P2RY11: variants seen among roughly 807,000 people sequenced by gnomAD.
P2RY11 encodes the protein P2Y purinoceptor 11.
In P2RY11, 3 loss-of-function variants were observed where a neutral mutation model predicts 2.4. The ratio of observed to expected loss-of-function variants is 1.22; its 90% CI spans 0.56 to 3.17. The LOEUF is 3.17. P2RY11 is among the 30% of genes most tolerant of loss of function. The pLI is 0.03. For missense variants in P2RY11, 670 were observed against 528.2 expected, an observed-to-expected ratio of 1.27 and a Z score of -2.63; for synonymous variants, 307 against 237.3, an observed-to-expected ratio of 1.29 and a Z score of -2.70.
Position 10,115,331 on chromosome 19 carries a change from G to A in P2RY11, c.*593G>A, listed in dbSNP as rs959120827. 3.0e-5 allele frequency: 35 copies of A among 1,149,606 alleles called. No homozygotes were observed. The highest frequency in any genetic ancestry group is 3.8e-5 in the Non-Finnish European group (31 of 824,088). 71.2% of individuals were successfully genotyped at this position (1,149,606 alleles called of 1,614,324 possible). ...CACAAGAGCTGCCACCCCTCTGCCC[G>A]GTTTTGGAAAAAAACAATAAAGGAC... is the stretch of plus-strand genomic sequence containing the variant. On this transcript the variant is annotated 3_prime_UTR_variant, in exon 2 of 2. Coordinates refer to ENST00000321826, the MANE Select transcript of P2RY11 (RefSeq NM_002566.5).
rs2089190555 is a variant in P2RY11, at chr19:10,114,236, T to C, written c.623T>C (p.Val208Ala). 6.3e-7 allele frequency: 1 copy of C among 1,599,478 alleles called. No individual in the cohort carries two copies. The highest frequency in any genetic ancestry group is 8.5e-7 in the Non-Finnish European group (1 of 1,179,308). ...GCGGCCTACAGAGCGTATAGCCTGG[T>C]GCTGGCGGGGTTGGGCTGCGGCCTG... Reference protein sequence around the residue: ...GLAAYRAYSLVLAGLGCGLPL... With the variant: ...GLAAYRAYSLALAGLGCGLPL... Residue 208 changes from valine to alanine, a missense_variant, in exon 2 of 2, where the codon GTG (valine) becomes GCG (alanine). Val to Ala is a moderately conservative substitution (Grantham distance 64). Coordinates refer to ENST00000321826, the MANE Select transcript of P2RY11 (RefSeq NM_002566.5).
At position 10,115,017 on chromosome 19, in the gene P2RY11, A is replaced by T. The variant is rs1157289019; in HGVS notation, c.*279A>T. ...CGCAAGAACAAAAAGAACCAAGTAG[A>T]GAGAGTGGAGCTGCTTTATTGCCCT... On this transcript the variant is annotated 3_prime_UTR_variant, in exon 2 of 2. Coordinates refer to ENST00000321826, the MANE Select transcript of P2RY11 (RefSeq NM_002566.5). 6.4e-7 allele frequency: 1 copy of T among 1,562,440 alleles called. No homozygotes were observed. The highest frequency in any genetic ancestry group is 2.3e-5 in the East Asian group (1 of 44,126).
Position 10,113,840 on chromosome 19 carries a change from T to A in P2RY11, c.227T>A (p.Leu76Gln). Residue 76 changes from leucine to glutamine, a missense_variant, in exon 2 of 2, where the codon CTG becomes CAG. By Grantham distance (113) the Leu-to-Gln change is moderately radical. Coordinates refer to ENST00000321826, the MANE Select transcript of P2RY11 (RefSeq NM_002566.5). Reference protein sequence around the residue: ...VFSVQLAVSDLLCALTLPPLA... With the variant: ...VFSVQLAVSDQLCALTLPPLA... ...TCTGTCCAGCTGGCAGTCAGCGACC[T>A]GCTCTGCGCCCTGACGCTGCCCCCG... 1 of 1,613,444 alleles carries A rather than the reference T, an allele frequency of 6.2e-7. No homozygotes were observed. The highest frequency in any genetic ancestry group is 8.5e-7 in the Non-Finnish European group (1 of 1,179,796).
chr19:10,113,805 C>T lies in P2RY11; in HGVS notation c.192C>T (p.Ala64=), dbSNP rs767138158. ...SIRKQRPWHP[A]VVFSVQLAVS... is the part of the protein sequence containing the mutation. ...GGAAGCAGCGCCCATGGCACCCCGC[C>T]GTGGTCTTCTCTGTCCAGCTGGCAG... The change falls in exon 2 of 2, where the codon GCC becomes GCT. Residue 64 remains alanine (A), a synonymous_variant. Coordinates refer to ENST00000321826, the MANE Select transcript of P2RY11 (RefSeq NM_002566.5). 2.9e-5 allele frequency: 47 copies of T among 1,613,886 alleles called. No individual in the cohort carries two copies. The South Asian group carries it at 4.2e-4, about 14-fold the overall frequency.
Position 10,115,245 on chromosome 19 carries a change from C to T in P2RY11, c.*507C>T, listed in dbSNP as rs932938562. On this transcript the variant is annotated 3_prime_UTR_variant, in exon 2 of 2. Coordinates refer to ENST00000321826, the MANE Select transcript of P2RY11 (RefSeq NM_002566.5). ...AGGACGGGGTAATGTGAGGACGAAG[C>T]GGGCACGGAGCCAGATGGCCAGTCT... The T allele has an allele frequency of 3.0e-5, 41 of 1,373,260 alleles. No homozygotes were observed. Among genetic ancestry groups the T allele is most frequent in the Admixed American group, 9.0e-5 (4 of 44,502 alleles). 85.1% of individuals were successfully genotyped at this position (1,373,260 alleles called of 1,614,324 possible). A position where few individuals can be genotyped will look rare whatever the true frequency, so the allele number is the denominator to read the frequency against.
rs533677590 is a variant in P2RY11, at chr19:10,114,809, C to G, written c.*71C>G. The G allele has an allele frequency of 1.4e-5, 21 of 1,529,268 alleles. No homozygotes were observed. The African/African-American group carries it at 2.2e-4, about 16-fold the overall frequency. 94.7% of individuals were successfully genotyped at this position (1,529,268 alleles called of 1,614,324 possible). On this transcript the variant is annotated 3_prime_UTR_variant, in exon 2 of 2. Coordinates refer to ENST00000321826, the MANE Select transcript of P2RY11 (RefSeq NM_002566.5). ...AACCCTGAGGGCAGGGCCCGAGCCC[C>G]GACACATCCCTTCCCCCAAAAAGCA...
At position 10,113,935 on chromosome 19, in the gene P2RY11, C is replaced by G; in HGVS notation, c.322C>G (p.Leu108Val). 1 of 1,603,218 alleles carries G rather than the reference C, an allele frequency of 6.2e-7. No homozygotes were observed. The highest frequency in any genetic ancestry group is 8.5e-7 in the Non-Finnish European group (1 of 1,179,882). Residue 108 changes from leucine (L) to valine (V), a missense_variant, in exon 2 of 2, where the codon CTC becomes GTC. Leu to Val is a conservative substitution (Grantham distance 32, BLOSUM62 1). Transcript: ENST00000321826. The part of the protein sequence containing the change: ...GEAACRLERF[L>V]FTCNLLGSVI... ...GGCCGCGTGCCGCCTGGAGCGCTTCCTCTTCACCTGCAACCTGCTGGGCAG... is the reference window on the plus strand; with the variant it reads ...GGCCGCGTGCCGCCTGGAGCGCTTCGTCTTCACCTGCAACCTGCTGGGCAG...
intron 1 of P2RY11, 70 bp downstream of exon 1, chr19:10,111,810 G>A: frequency 6.4e-7 from 1 of 1,570,720 alleles, no homozygotes; most frequent in South Asian, 1.1e-5. Context: ...AGTGGGTATT[G>A]GTAAAACACC....
intron 1 of P2RY11, 147 bp from the exon 2 acceptor site, chr19:10,113,486 C>G (rs905479702): frequency 8.1e-7 from 1 of 1,240,280 alleles, no homozygotes; most frequent in South Asian, 1.5e-5. Flanking sequence ...ATCCTGTCCA[C>G]ATAAAGGAGT....
In P2RY11 at chr19:10,113,869, G is replaced by A. The variant is rs200026129; in HGVS notation, c.256G>A (p.Ala86Thr). Residue 86 changes from alanine to threonine, a missense_variant, in exon 2 of 2, where the codon GCC becomes ACC. Physicochemically the swap from Ala to Thr is moderately conservative, Grantham distance 58. Transcript: ENST00000321826. ...CTGCGCCCTGACGCTGCCCCCGCTG[G>A]CCGCCTACCTCTATCCCCCCAAGCA... is the stretch of plus-strand genomic sequence containing the variant. ...LLCALTLPPL[A>T]AYLYPPKHWR... 3.8e-5 allele frequency: 62 copies of A among 1,610,710 alleles called. 2 individuals are homozygous for A. The East Asian group carries it at 7.1e-4, about 19-fold the overall frequency.
At chr19:10,113,022 G>T (rs1599318380) in intron 1 of P2RY11, among the ~76,000 whole-genome samples, 1 of 151,920 alleles carries the variant, frequency 6.6e-6, no homozygotes, top group African/African-American at 2.4e-5. Context: ...GCTGGTGCGA[G>T]GGAGTGAGTC....
rs760362917 is a variant in P2RY11, at chr19:10,113,976, C to G, written c.363C>G (p.Thr121=). 4 of 1,601,728 alleles carry G rather than the reference C, an allele frequency of 2.5e-6. No homozygotes were observed. The highest frequency in any genetic ancestry group is 3.4e-6 in the Non-Finnish European group (4 of 1,179,846). Reference sequence around the variant, plus strand: ...TGCTGGGCAGCGTCATCTTCATCACCTGCATCAGCCTCAACCGCTACCTGG... The same window carrying G: ...TGCTGGGCAGCGTCATCTTCATCACGTGCATCAGCCTCAACCGCTACCTGG... The part of the protein sequence containing the change: ...CNLLGSVIFI[T]CISLNRYLGI... Residue 121 remains threonine (T), a synonymous_variant, in exon 2 of 2, where the codon ACC becomes ACG. Coordinates refer to ENST00000321826, the MANE Select transcript of P2RY11 (RefSeq NM_002566.5).
chr19:10,111,937 C>T (rs927635215), intron 1 of P2RY11, among the ~76,000 whole-genome samples, 197 bp downstream of exon 1: 2 of 152,044 alleles, frequency 1.3e-5, no homozygotes, highest in African/African-American at 2.4e-5. Flanking sequence ...AGGAGAAACC[C>T]CGTCTCTACT....
At position 10,115,021 on chromosome 19, in the gene P2RY11, AGT is replaced by A. The variant is rs1198703349; in HGVS notation, c.*285_*286del. 6.4e-7 allele frequency: 1 copy of A among 1,568,680 alleles called. No homozygotes were observed. Among genetic ancestry groups the A allele is most frequent in the Non-Finnish European group, 8.7e-7 (1 of 1,146,968 alleles). ...AGAACAAAAAGAACCAAGTAGAGAGAGTGGAGCTGCTTTATTGCCCTTGGAGC... is the reference window on the plus strand; with the variant it reads ...AGAACAAAAAGAACCAAGTAGAGAGAGGAGCTGCTTTATTGCCCTTGGAGC... On this transcript the variant is annotated 3_prime_UTR_variant, in exon 2 of 2. Coordinates refer to ENST00000321826, the MANE Select transcript of P2RY11 (RefSeq NM_002566.5).
rs759186362 is a variant in P2RY11, at chr19:10,111,767, CTG to C, written c.19+28_19+29del. On this transcript the variant is annotated intron_variant, in intron 1 of 1. Coordinates refer to ENST00000321826, the MANE Select transcript of P2RY11 (RefSeq NM_002566.5). ...TAAGGAGAAGGCATGTTGGCTGTCT[CTG>C]GGGGTCTGCAGATTGTCAGGAGGTG... The C allele has an allele frequency of 8.7e-6, 14 of 1,612,994 alleles. No homozygotes were observed. In the African/African-American group the frequency reaches 1.6e-4, roughly 18 times the overall value.
chr19:10,114,968 T>G lies in P2RY11; in HGVS notation c.*230T>G, dbSNP rs973072947. ...ACCACGCCCAGAGGAGGGGAGGCAC[T>G]GGCCCCCGCCACAGGACTGGAGACG... On this transcript the variant is annotated 3_prime_UTR_variant, in exon 2 of 2. Coordinates refer to ENST00000321826, the MANE Select transcript of P2RY11 (RefSeq NM_002566.5). The G allele has an allele frequency of 8.8e-5, 126 of 1,430,906 alleles. No individual in the cohort carries two copies. Among genetic ancestry groups the G allele is most frequent in the Non-Finnish European group, 1.1e-4 (118 of 1,041,602 alleles). 88.6% of individuals were successfully genotyped at this position (1,430,906 alleles called of 1,614,324 possible). A position where few individuals can be genotyped will look rare whatever the true frequency, so the allele number is the denominator to read the frequency against.
In P2RY11 at chr19:10,114,720, C is replaced by G. The variant is rs2089206251; in HGVS notation, c.1107C>G (p.Ser369=). ...CCCCTAAACCGTCAGAGCCCCAGTC[C>G]CGTGAGCTGAGCCAATGATGTGGCC... ...TAAPKPSEPQ[S]RELSQ The change falls in exon 2 of 2, where the codon TCC becomes TCG. Residue 369 remains serine, a synonymous_variant. Coordinates refer to ENST00000321826, the MANE Select transcript of P2RY11 (RefSeq NM_002566.5). 6.2e-7 allele frequency: 1 copy of G among 1,607,400 alleles called. No homozygotes were observed. The highest frequency in any genetic ancestry group is 1.7e-5 in the Admixed American group (1 of 59,640).
rs1353772448 is a variant in P2RY11, at chr19:10,111,713, C to T, written c.-9C>T. On this transcript the variant is annotated 5_prime_UTR_variant, in exon 1 of 2. Transcript: ENST00000321826. ...GTAGCAGACACAGGCTGAGGATCGG[C>T]ACGGGAGCATGGCAGCCAACGTCTC... The T allele has an allele frequency of 1.9e-6, 3 of 1,613,600 alleles. No homozygotes were observed. Among genetic ancestry groups the T allele is most frequent in the Non-Finnish European group, 1.7e-6 (2 of 1,179,840 alleles).
At chr19:10,113,610 C>T (rs2089165742) in intron 1 of P2RY11, 23 bp from the exon 2 acceptor site, 3 of 1,596,674 alleles carry the variant, frequency 1.9e-6, no homozygotes, top group African/African-American at 1.3e-5. Flanking sequence ...TAGGGCTCAG[C>T]TGGTGACACC....
Sources: gnomAD v4.1 joint callset for allele counts (sites outside exome capture counted in the v4.1 genomes callset) on GRCh38, gnomAD v4.1.1 for gene constraint, MANE v1.5 for transcripts, NCBI Gene and HGNC (gene_info 2026-07-23, HGNC 2026-07-21) for gene names.